Variants in KCNJ15 observed in about 807,000 individuals in gnomAD.
KCNJ15 encodes ATP-sensitive inward rectifier potassium channel 15.
In KCNJ15, 14 loss-of-function variants were observed where a neutral mutation model predicts 23.0. The ratio of observed to expected loss-of-function variants is 0.61; its 90% CI spans 0.40 to 0.95. KCNJ15 has a LOEUF of 0.95. Ranked by LOEUF, KCNJ15 falls within the 40% of genes least tolerant of loss-of-function variation. The pLI is 0.00. For synonymous variants in KCNJ15, 185 were observed against 183.2 expected (o/e 1.01, Z -0.08); for missense variants, 388 against 461.8 (o/e 0.84, Z 1.46).
At chr21:38,282,331 C>T (rs1485862610) in intron 1 of KCNJ15, among the ~76,000 whole-genome samples, 3 of 152,062 alleles carry the variant, frequency 2.0e-5, no homozygotes, top group Non-Finnish European at 4.4e-5. Flanking sequence ...AACTCTTTGT[C>T]TATGATGGTC....
At chr21:38,263,967 C>T (rs1981198815) in intron 1 of KCNJ15, among the ~76,000 whole-genome samples, 1 of 152,060 alleles carries the variant, frequency 6.6e-6, no homozygotes, top group African/African-American at 2.4e-5. Context: ...GTCAAAAAGG[C>T]CATTTGATTA....
intron 1 of KCNJ15, among the ~76,000 whole-genome samples, chr21:38,279,346 A>G (rs560063461): frequency 1.3e-5 from 2 of 152,278 alleles, no homozygotes; most frequent in Admixed American, 6.5e-5. Context: ...TACAAAGGTA[A>G]CATCTGAAAC....
chr21:38,291,026 G>A (rs975818842), intron 1 of KCNJ15, among the ~76,000 whole-genome samples: 10 of 72,426 alleles, frequency 1.4e-4, no homozygotes, highest in African/African-American at 7.2e-4. Flanking sequence ...ACACACACAC[G>A]TATATATAGC....
intron 1 of KCNJ15, among the ~76,000 whole-genome samples, chr21:38,251,496 A>T (rs1265361207): frequency 1.3e-5 from 2 of 152,254 alleles, no homozygotes; most frequent in African/African-American, 4.8e-5. Context: ...GGACACTTCC[A>T]TACGGAGCCC....
intron 1 of KCNJ15, among the ~76,000 whole-genome samples, chr21:38,260,638 C>T (rs1311995468): frequency 1.3e-5 from 2 of 152,168 alleles, no homozygotes; most frequent in Non-Finnish European, 2.9e-5. Flanking sequence ...TGATCATGCT[C>T]ACGTCAGAAG....
chr21:38,305,980 G>A lies in KCNJ15; in HGVS notation c.*5591G>A, dbSNP rs1986040913. The A allele has an allele frequency of 1.3e-5, 2 of 152,278 alleles. No individual in the cohort carries two copies. Among genetic ancestry groups the A allele is most frequent in the Admixed American group, 6.5e-5 (1 of 15,286 alleles). 9.4% of individuals were successfully genotyped at this position (152,278 alleles called of 1,614,324 possible). On this transcript the variant is annotated 3_prime_UTR_variant, in exon 3 of 3. Coordinates refer to ENST00000398938, the MANE Select transcript of KCNJ15 (RefSeq NM_170736.3). ...ACACTCCTGTGTGCAGTGTGGAGCAGCGTGCACTGTCTGAGTCTCCATAGT... is the reference window on the plus strand; with the variant it reads ...ACACTCCTGTGTGCAGTGTGGAGCAACGTGCACTGTCTGAGTCTCCATAGT...
At chr21:38,283,746 T>C (rs1601219623) in intron 1 of KCNJ15, among the ~76,000 whole-genome samples, 1 of 143,668 alleles carries the variant, frequency 7.0e-6, no homozygotes, top group South Asian at 2.1e-4. Flanking sequence ...TATGCTAGAT[T>C]ACTCTATCGG....
chr21:38,270,727 A>G (rs992815909), intron 1 of KCNJ15, among the ~76,000 whole-genome samples: 13 of 152,148 alleles, frequency 8.5e-5, no homozygotes, highest in African/African-American at 2.9e-4. Flanking sequence ...GTTTTGTCAA[A>G]ACTAAGAGAA....
Position 38,300,442 on chromosome 21 carries a change from T to G in KCNJ15, c.*53T>G. 1 of 1,485,368 alleles carries G rather than the reference T, an allele frequency of 6.7e-7. No homozygotes were observed. Among genetic ancestry groups the G allele is most frequent in the Non-Finnish European group, 9.1e-7 (1 of 1,099,828 alleles). The allele number at this position is 1,485,368 out of a possible 1,614,324, so 92.0% of individuals were successfully genotyped here. A position where few individuals can be genotyped will look rare whatever the true frequency, so the allele number is the denominator to read the frequency against. On this transcript the variant is annotated 3_prime_UTR_variant, in exon 3 of 3. Coordinates refer to ENST00000398938, the MANE Select transcript of KCNJ15 (RefSeq NM_170736.3). ...CTGCAAGCTGTTTCCACATCAGAAC[T>G]CCCTTCAAACACAAAGATTGCTGTG...
intron 1 of KCNJ15, among the ~76,000 whole-genome samples, chr21:38,275,575 G>T (rs554287620): frequency 3.7e-5 from 5 of 136,548 alleles, no homozygotes; most frequent in East Asian, 4.3e-4. Flanking sequence ...TTTTTGAAAA[G>T]ATCAGAGGCT....
At chr21:38,236,210 T>G (rs1978591674) in intron 1 of KCNJ15, among the ~76,000 whole-genome samples, 1 of 152,216 alleles carries the variant, frequency 6.6e-6, no homozygotes, top group Non-Finnish European at 1.5e-5. Context: ...TGAGTCTAGC[T>G]TTCAGTTTCC....
chr21:38,284,610 C>T (rs901615007), intron 1 of KCNJ15, among the ~76,000 whole-genome samples: 1 of 152,218 alleles, frequency 6.6e-6, no homozygotes, highest in African/African-American at 2.4e-5. Context: ...AACATGATCA[C>T]TTTCAAAAGC....
At chr21:38,247,846 C>T (rs1384209242) in intron 1 of KCNJ15, among the ~76,000 whole-genome samples, 1 of 152,166 alleles carries the variant, frequency 6.6e-6, no homozygotes, top group Non-Finnish European at 1.5e-5. Context: ...TTCCCATCAC[C>T]TGTGCCTCCC....
At chr21:38,258,287 A>G (rs112732936) in intron 1 of KCNJ15, among the ~76,000 whole-genome samples, 95 of 152,364 alleles carry the variant, frequency 6.2e-4, no homozygotes, top group Middle Eastern at 3.4e-3. Context: ...AAAAATCAAA[A>G]GAAAAGTGTC....
At chr21:38,297,818 A>G (rs902869830) in intron 2 of KCNJ15, among the ~76,000 whole-genome samples, 1 of 152,336 alleles carries the variant, frequency 6.6e-6, no homozygotes, top group African/African-American at 2.4e-5. Context: ...AGAAAAGTCA[A>G]TTACAAGGGG....
intron 1 of KCNJ15, among the ~76,000 whole-genome samples, chr21:38,286,445 T>C (rs13049638): frequency 0.66 from 100,164 of 152,064 alleles, 33,649 homozygotes; most frequent in Non-Finnish European, 0.73. Flanking sequence ...TCCTCATTGG[T>C]CTTACTGTTC....
intron 1 of KCNJ15, among the ~76,000 whole-genome samples, chr21:38,273,426 C>A (rs951168428): frequency 1.3e-5 from 2 of 152,220 alleles, no homozygotes; most frequent in African/African-American, 4.8e-5. Flanking sequence ...CTACTGTCAT[C>A]CTAGTATTTG....
intron 1 of KCNJ15, among the ~76,000 whole-genome samples, chr21:38,282,443 G>A (rs934903967): frequency 1.3e-5 from 2 of 152,158 alleles, no homozygotes; most frequent in African/African-American, 4.8e-5. Context: ...GTCATTTTGA[G>A]AGATGTACAA....
chr21:38,246,508 A>T (rs952444687), intron 1 of KCNJ15, among the ~76,000 whole-genome samples: 1 of 152,164 alleles, frequency 6.6e-6, no homozygotes, highest in Non-Finnish European at 1.5e-5. Context: ...ATTCCCTACT[A>T]TCTGCTTGGG....
Sources: gnomAD v4.1 joint callset for allele counts (sites outside exome capture counted in the v4.1 genomes callset) on GRCh38, gnomAD v4.1.1 for gene constraint, MANE v1.5 for transcripts, NCBI Gene and HGNC (gene_info 2026-07-23, HGNC 2026-07-21) for gene names.